Variants in POGLUT3 observed in about 807,000 individuals in gnomAD.
POGLUT3 encodes protein O-glucosyltransferase 3.
A neutral mutation model predicts 54.3 loss-of-function variants in POGLUT3; 48 were observed. That is an observed-to-expected ratio of 0.88 (90% CI 0.70 to 1.12). POGLUT3 has a LOEUF of 1.12. Ranked by LOEUF, POGLUT3 falls within the 50% of genes most tolerant of loss-of-function variation. POGLUT3 has a pLI of 0.00. For missense variants in POGLUT3, 629 were observed against 618.7 expected (o/e 1.02, Z -0.18); for synonymous variants, 218 against 237.4 (o/e 0.92, Z 0.75).
intron 3 of POGLUT3, among the ~76,000 whole-genome samples, chr11:108,484,315 T>G (rs1268162998): frequency 6.6e-6 from 1 of 152,094 alleles, no homozygotes; most frequent in Admixed American, 6.5e-5. Context: ...GCACTACCTT[T>G]AGGAGCAGAT....
Position 108,472,251 on chromosome 11 carries a change from G to A in POGLUT3, c.*2576C>T, listed in dbSNP as rs1446883790. On this transcript the variant is annotated 3_prime_UTR_variant, in exon 8 of 8. Coordinates refer to ENST00000323468, the MANE Select transcript of POGLUT3 (RefSeq NM_153705.5). ...TTTGCTGTTCCTGTTTATATCTTTT[G>A]TGCATTTATTGTCTTTTCTAAGGTT... 6 of 151,986 alleles carry A rather than the reference G, an allele frequency of 3.9e-5. No homozygotes were observed. The highest frequency in any genetic ancestry group is 7.4e-5 in the Non-Finnish European group (5 of 67,992). The allele number at this position is 151,986 out of a possible 1,614,324, so 9.4% of individuals were successfully genotyped here. A position where few individuals can be genotyped will look rare whatever the true frequency, so the allele number is the denominator to read the frequency against.
At chr11:108,484,081 G>A (rs539124956) in intron 3 of POGLUT3, among the ~76,000 whole-genome samples, 7 of 152,244 alleles carry the variant, frequency 4.6e-5, no homozygotes, top group South Asian at 4.1e-4. Flanking sequence ...AATTCTTTGC[G>A]ATGGGGTTGG....
chr11:108,498,371 G>C lies in POGLUT3; in HGVS notation c.-5C>G, dbSNP rs1269568736. ...GGCCCGCGGGAGGCGGCGCATGGTC[G>C]GCGGGGCACAACTGCGGTCCAGCTC... On this transcript the variant is annotated 5_prime_UTR_variant, in exon 1 of 8. Transcript: ENST00000323468. The C allele has an allele frequency of 1.5e-6, 2 of 1,305,564 alleles. No homozygotes were observed. The highest frequency in any genetic ancestry group is 4.3e-5 in the Admixed American group (1 of 23,256). The allele number at this position is 1,305,564 out of a possible 1,614,324, so 80.9% of individuals were successfully genotyped here.
At chr11:108,481,058 A>G in intron 5 of POGLUT3, 122 bp downstream of exon 5, 1 of 703,330 alleles carries the variant, frequency 1.4e-6, no homozygotes, top group South Asian at 1.9e-5. Flanking sequence ...ATCTAATAAG[A>G]AAGTGTGAAC....
In POGLUT3 at chr11:108,475,463, G is replaced by GTTTTTTTTTTTTTTTTTTTTTT. The variant is rs367899085; in HGVS notation, c.1399-512_1399-511insAAAAAAAAAAAAAAAAAAAAAA. On this transcript the variant is annotated intron_variant, in intron 7 of 7. Coordinates refer to ENST00000323468, the MANE Select transcript of POGLUT3 (RefSeq NM_153705.5). ...TATTTCTATAAATGGAGTTTTTTTT[G>GTTTTTTTTTTTTTTTTTTTTTT]TTTTTGTTTTTTTTTTTTTTTGAGA... Among the ~76,000 whole-genome samples the GTTTTTTTTTTTTTTTTTTTTTT allele has an allele frequency of 3.6e-5, 4 of 109,924 alleles. 1 individual carries two copies. The highest frequency in any genetic ancestry group is 5.4e-5 in the Non-Finnish European group (3 of 55,630). 72.1% of individuals were successfully genotyped at this position (109,924 alleles called of 152,430 possible).
Position 108,491,244 on chromosome 11 carries a change from T to A in POGLUT3, c.203-77A>T, listed in dbSNP as rs1257722972. 3 of 1,166,426 alleles carry A rather than the reference T, an allele frequency of 2.6e-6. 1 individual carries two copies. In the South Asian group the frequency reaches 4.0e-5, roughly 16 times the overall value. The allele number at this position is 1,166,426 out of a possible 1,614,324, so 72.3% of individuals were successfully genotyped here. On this transcript the variant is annotated intron_variant, in intron 1 of 7. Transcript: ENST00000323468. Reference sequence around the variant, plus strand: ...CAATTATTGGATAGGTGTTATTGGATAACTTAAATATGTTGCTTTTTCCTG... The same window carrying A: ...CAATTATTGGATAGGTGTTATTGGAAAACTTAAATATGTTGCTTTTTCCTG...
rs892935313 is a variant in POGLUT3 at position 108,498,044 on chromosome 11, C to T, written c.202+121G>A. 3.0e-5 allele frequency: 26 copies of T among 855,366 alleles called. No individual in the cohort carries two copies. The South Asian group carries it at 5.2e-4, about 17-fold the overall frequency. The allele number at this position is 855,366 out of a possible 1,614,324, so 53.0% of individuals were successfully genotyped here. ...GAGGAGGGAAGAGGAGCTGACCAGA[C>T]CCAAAAAGGGGCGACACACGCCGGG... On this transcript the variant is annotated intron_variant, in intron 1 of 7. Coordinates refer to ENST00000323468, the MANE Select transcript of POGLUT3 (RefSeq NM_153705.5).
rs2093612083 is a variant in POGLUT3, at chr11:108,490,999, T to C, written c.371A>G (p.His124Arg). 1 of 1,613,946 alleles carries C rather than the reference T, an allele frequency of 6.2e-7. No homozygotes were observed. Among genetic ancestry groups the C allele is most frequent in the Non-Finnish European group, 8.5e-7 (1 of 1,179,956 alleles). ...LKIEVLYGDE[H>R]VAQSPYILKG... ...CAAAATATAGGGAGACTGAGCCACA[T>C]GTTCATCACCATAAAGGACCTCTAT... Residue 124 changes from histidine to arginine, a missense_variant, in exon 2 of 8, where the codon CAT becomes CGT. His to Arg is a conservative substitution (Grantham distance 29). Transcript: ENST00000323468.
intron 1 of POGLUT3, among the ~76,000 whole-genome samples, chr11:108,496,216 G>T (rs916868976): frequency 1.3e-4 from 19 of 151,974 alleles, no homozygotes; most frequent in Non-Finnish European, 5.9e-5. Flanking sequence ...AGCATTTGGG[G>T]AGACTGAGGC....
In POGLUT3 at chr11:108,474,811, G is replaced by A. The variant is rs771883285; in HGVS notation, c.*16C>T. The stretch of plus-strand genomic sequence containing the variant: ...AAGTGTAGCCGGGATACACAGGAGT[G>A]TGATTCTGGGCTGACTCAAAGTTCT... On this transcript the variant is annotated 3_prime_UTR_variant, in exon 8 of 8. Coordinates refer to ENST00000323468, the MANE Select transcript of POGLUT3 (RefSeq NM_153705.5). 2.5e-6 allele frequency: 4 copies of A among 1,613,854 alleles called. No individual in the cohort carries two copies. The highest frequency in any genetic ancestry group is 2.2e-5 in the South Asian group (2 of 91,066).
At chr11:108,493,893 G>A (rs1405630622) in intron 1 of POGLUT3, among the ~76,000 whole-genome samples, 1 of 151,488 alleles carries the variant, frequency 6.6e-6, no homozygotes, top group East Asian at 1.9e-4. Flanking sequence ...AACTGGATGA[G>A]AATGCAGTGA....
In POGLUT3 at chr11:108,479,363, T is replaced by G. The variant is rs753693578; in HGVS notation, c.1231A>C (p.Lys411Gln). Residue 411 changes from lysine to glutamine, a missense_variant, in exon 6 of 8, where the codon AAG becomes CAG. By Grantham distance (53) the Lys-to-Gln change is moderately conservative. Transcript: ENST00000323468. ...TTTCTTTTAATTGGAACATAATGCT[T>G]CCAAGGTTCTAGTGCCATGTAGAAA... Reference protein sequence around the residue: ...EHFYMALEPWKHYVPIKRNLS... With the variant: ...EHFYMALEPWQHYVPIKRNLS... The G allele has an allele frequency of 6.2e-7, 1 of 1,612,912 alleles. No individual in the cohort carries two copies. Among genetic ancestry groups the G allele is most frequent in the African/African-American group, 1.3e-5 (1 of 75,016 alleles).
At chr11:108,494,247 T>C (rs1362336189) in intron 1 of POGLUT3, among the ~76,000 whole-genome samples, 1 of 152,188 alleles carries the variant, frequency 6.6e-6, no homozygotes, top group Admixed American at 6.5e-5. Flanking sequence ...TCGGATACAA[T>C]GGAGTCATCT....
In POGLUT3 at chr11:108,474,889, G is replaced by T. The variant is rs1420638780; in HGVS notation, c.1462C>A (p.Pro488Thr). The change falls in exon 8 of 8, where the codon CCA becomes ACA. Residue 488 changes from proline to threonine, a missense_variant. By Grantham distance (38) the Pro-to-Thr change is conservative. Coordinates refer to ENST00000323468, the MANE Select transcript of POGLUT3 (RefSeq NM_153705.5). The part of the protein sequence containing the change: ...VRDGMELVPQ[P>T]EDSTAICQCH... Reference sequence around the variant, plus strand: ...TGGCAGATGGCTGTGCTATCTTCTGGCTGAGGAACAAGTTCCATTCCATCA... The same window carrying T: ...TGGCAGATGGCTGTGCTATCTTCTGTCTGAGGAACAAGTTCCATTCCATCA... The T allele has an allele frequency of 6.2e-7, 1 of 1,614,078 alleles. No homozygotes were observed. The highest frequency in any genetic ancestry group is 2.2e-5 in the East Asian group (1 of 44,882).
intron 7 of POGLUT3, among the ~76,000 whole-genome samples, chr11:108,475,469 G>GTTT (rs1288287741): frequency 1.5e-5 from 2 of 130,926 alleles, no homozygotes; most frequent in Non-Finnish European, 3.2e-5. Flanking sequence ...TTTTGTTTTT[G>GTTT]TTTTTTTTTT....
At chr11:108,478,869 G>A (rs1052765226) in intron 6 of POGLUT3, among the ~76,000 whole-genome samples, 2 of 152,144 alleles carry the variant, frequency 1.3e-5, no homozygotes, top group Non-Finnish European at 2.9e-5. Context: ...TATTTTATAG[G>A]AAACGTGATG....
intron 2 of POGLUT3, among the ~76,000 whole-genome samples, chr11:108,487,519 A>G (rs2135858073): frequency 6.6e-6 from 1 of 152,296 alleles, no homozygotes; most frequent in South Asian, 2.1e-4. Flanking sequence ...ACTGAATTGA[A>G]TATTTGGCTC....
At chr11:108,493,682 TA>T (rs1270033424) in intron 1 of POGLUT3, among the ~76,000 whole-genome samples, 2 of 151,372 alleles carry the variant, frequency 1.3e-5, no homozygotes, top group Non-Finnish European at 2.9e-5. Context: ...TGCGCACCTG[TA>T]ATCCCAGCTA....
intron 2 of POGLUT3, 74 bp from the exon 3 acceptor site, chr11:108,486,514 T>A: frequency 7.1e-7 from 1 of 1,411,862 alleles, no homozygotes; most frequent in Non-Finnish European, 9.7e-7. Flanking sequence ...CTTCTGTCTC[T>A]GCTTCTTGGT....
Sources: allele counts gnomAD v4.1 joint callset (sites outside exome capture counted in the v4.1 genomes callset), GRCh38; gene constraint gnomAD v4.1.1; transcripts MANE v1.5; gene names NCBI Gene and HGNC (gene_info 2026-07-23, HGNC 2026-07-21).